The following STAU2 variants were observed in gnomAD, a reference collection of about 807,000 sequenced individuals.
The protein encoded by STAU2 is double-stranded RNA-binding protein Staufen homolog 2.
In STAU2, 20 loss-of-function variants were observed where a neutral mutation model predicts 65.9. The observed-to-expected ratio is 0.30, with a 90% CI of 0.21 to 0.44. The LOEUF (loss-of-function observed/expected upper bound fraction) is 0.44. STAU2 is among the 20% of genes least tolerant of loss of function. The pLI, the probability that STAU2 is intolerant of heterozygous loss-of-function variation, is 1.00. For synonymous variants in STAU2, 232 were observed against 233.9 expected, an observed-to-expected ratio of 0.99 and a Z score of 0.07; for missense variants, 558 against 683.9, an observed-to-expected ratio of 0.82 and a Z score of 2.05.
chr8:73,713,966 C>T (rs935265653), intron 3 of STAU2, among the ~76,000 whole-genome samples: 1 of 151,992 alleles, frequency 6.6e-6, no homozygotes, highest in African/African-American at 2.4e-5. Flanking sequence ...TGCAAGGGCG[C>T]GATCTCGGCT....
At chr8:73,467,428 A>T (rs1819720002) in intron 13 of STAU2, among the ~76,000 whole-genome samples, 1 of 152,164 alleles carries the variant, frequency 6.6e-6, no homozygotes, top group South Asian at 2.1e-4. Flanking sequence ...GCTACGTGGG[A>T]GGCTGAGGCA....
chr8:73,585,599 G>A (rs1202991999), intron 11 of STAU2, among the ~76,000 whole-genome samples: 1 of 152,242 alleles, frequency 6.6e-6, no homozygotes, highest in African/African-American at 2.4e-5. Flanking sequence ...GTAAGGGGAA[G>A]AGGTCAGGAG....
intron 6 of STAU2, among the ~76,000 whole-genome samples, chr8:73,629,470 T>C (rs1301877640): frequency 3.9e-5 from 6 of 152,234 alleles, no homozygotes; most frequent in Admixed American, 3.9e-4. Flanking sequence ...TTTTGTTTCA[T>C]AGTCTCACAA....
chr8:73,619,507 C>T (rs1196464462), intron 6 of STAU2, among the ~76,000 whole-genome samples: 1 of 152,180 alleles, frequency 6.6e-6, no homozygotes, highest in African/African-American at 2.4e-5. Context: ...TATGTCCAAC[C>T]TGAGATAAAC....
At chr8:73,485,391 T>A (rs1206426175) in intron 13 of STAU2, among the ~76,000 whole-genome samples, 1 of 151,934 alleles carries the variant, frequency 6.6e-6, no homozygotes, top group Non-Finnish European at 1.5e-5. Context: ...TCTGTGAATG[T>A]AAAAGTTGGT....
At chr8:73,724,536 A>AT (rs1249254779) in intron 3 of STAU2, among the ~76,000 whole-genome samples, 2 of 152,074 alleles carry the variant, frequency 1.3e-5, no homozygotes, top group African/African-American at 2.4e-5. Flanking sequence ...ATAATGAGAT[A>AT]TTTAACACTT....
intron 11 of STAU2, among the ~76,000 whole-genome samples, chr8:73,591,884 A>T (rs1385759025): frequency 2.4e-3 from 75 of 30,832 alleles, no homozygotes; most frequent in Admixed American, 4.2e-3. Context: ...CCCAGAGGTA[A>T]AAAAAAAAAA....
intron 13 of STAU2, among the ~76,000 whole-genome samples, chr8:73,433,290 C>T (rs1585739035): frequency 1.3e-5 from 2 of 151,674 alleles, no homozygotes; most frequent in Non-Finnish European, 2.9e-5. Context: ...CTGGAACCTC[C>T]GCCTCCCGGG....
At chr8:73,545,464 T>A (rs918681527) in intron 13 of STAU2, among the ~76,000 whole-genome samples, 1 of 152,174 alleles carries the variant, frequency 6.6e-6, no homozygotes, top group Non-Finnish European at 1.5e-5. Flanking sequence ...TATATTAAGA[T>A]GGCAGAACTT....
Position 73,687,484 on chromosome 8 carries a change from T to TAATATATAA in STAU2, c.274+1161_274+1169dup, listed in dbSNP as rs1819010624. On this transcript the variant is annotated intron_variant, in intron 5 of 14. Coordinates refer to ENST00000524300, the MANE Select transcript of STAU2 (RefSeq NM_001164380.2). ...ATAAAATAAAATATATATAATTATA[T>TAATATATAA]AATATATAAAATATAGTTTTTTATA... 5.0e-5 allele frequency among the ~76,000 whole-genome samples: 7 copies of TAATATATAA among 140,648 alleles called. No homozygotes were observed. In the South Asian group the frequency reaches 1.5e-3, roughly 30 times the overall value. 92.3% of individuals were successfully genotyped at this position (140,648 alleles called of 152,430 possible). A position where few individuals can be genotyped will look rare whatever the true frequency, so the allele number is the denominator to read the frequency against.
chr8:73,424,276 C>A (rs987207362), intron 13 of STAU2, among the ~76,000 whole-genome samples: 3 of 146,712 alleles, frequency 2.0e-5, no homozygotes, highest in Admixed American at 6.9e-5. Flanking sequence ...TCTGGGCTCA[C>A]TGCAACCTCT....
At chr8:73,551,680 A>C (rs1807344003) in intron 13 of STAU2, 1 of 1,013,174 alleles carries the variant, frequency 9.9e-7, no homozygotes. Context: ...CTGAAGGCAG[A>C]ATTTTTGTTT....
At chr8:73,599,408 T>C (rs1272207005) in intron 10 of STAU2, among the ~76,000 whole-genome samples, 1 of 152,276 alleles carries the variant, frequency 6.6e-6, no homozygotes, top group Middle Eastern at 3.4e-3. Flanking sequence ...GGTTCCCATA[T>C]ATCAGTTTTT....
At chr8:73,573,193 A>G (rs927209010) in intron 12 of STAU2, among the ~76,000 whole-genome samples, 5 of 152,212 alleles carry the variant, frequency 3.3e-5, no homozygotes, top group African/African-American at 1.2e-4. Flanking sequence ...TCCAACTTAT[A>G]AGGGATGTGA....
At chr8:73,460,159 G>C (rs1010913366) in intron 13 of STAU2, among the ~76,000 whole-genome samples, 67 of 152,328 alleles carry the variant, frequency 4.4e-4, no homozygotes, top group African/African-American at 1.5e-3. Context: ...TGAGGTACCT[G>C]ACAAGTTATG....
intron 6 of STAU2, among the ~76,000 whole-genome samples, chr8:73,641,767 C>G (rs1389112270): frequency 1.3e-5 from 2 of 152,144 alleles, no homozygotes; most frequent in African/African-American, 4.8e-5. Context: ...CCAAAAAAAC[C>G]TAAAATTTCT....
chr8:73,627,472 G>C (rs947726421), intron 6 of STAU2, among the ~76,000 whole-genome samples: 2 of 152,026 alleles, frequency 1.3e-5, no homozygotes, highest in African/African-American at 2.4e-5. Flanking sequence ...GAATACAAAG[G>C]CTTCTGATTC....
chr8:73,686,871 G>A (rs1818869753), intron 5 of STAU2, among the ~76,000 whole-genome samples: 2 of 149,582 alleles, frequency 1.3e-5, no homozygotes, highest in South Asian at 4.2e-4. Context: ...GTGGTTTGCG[G>A]AATTTGTGAT....
Position 73,504,927 on chromosome 8 carries a change from C to T in STAU2, c.1530+47085G>A, listed in dbSNP as rs188930286. Among the ~76,000 whole-genome samples, 8 of 152,114 alleles carry T rather than the reference C, an allele frequency of 5.3e-5. No homozygotes were observed. The East Asian group carries it at 1.5e-3, about 29-fold the overall frequency. ...TTGTAACTATTCAGAAGAAAAAAGG[C>T]CTTTTCCTGGTTTCCAGTTATTTTC... On this transcript the variant is annotated intron_variant, in intron 13 of 14. Transcript: ENST00000524300.
Sources: gnomAD v4.1 joint callset for allele counts (sites outside exome capture counted in the v4.1 genomes callset) on GRCh38, gnomAD v4.1.1 for gene constraint, MANE v1.5 for transcripts, NCBI Gene and HGNC (gene_info 2026-07-23, HGNC 2026-07-21) for gene names.